Variants in FAT1 observed in about 807,000 individuals in gnomAD.
FAT1 encodes protocadherin Fat 1.
FAT1 carries 171 observed loss-of-function variants against 329.8 expected under a neutral mutation model. That is an observed-to-expected ratio of 0.52 (90% CI 0.46 to 0.59). The LOEUF is 0.59. FAT1 is among the 20% of genes least tolerant of loss of function. FAT1 has a pLI of 0.00. For missense variants in FAT1, 5,672 were observed against 5,774.4 expected, an observed-to-expected ratio of 0.98 and a Z score of 0.57; for synonymous variants, 2,233 against 2,228.6, an observed-to-expected ratio of 1.00 and a Z score of -0.06.
intron 26 of FAT1, among the ~76,000 whole-genome samples, chr4:186,594,789 C>CT (rs1370950346): frequency 6.7e-6 from 1 of 148,836 alleles, no homozygotes; most frequent in East Asian, 2.0e-4. Context: ...GATTTATGGA[C>CT]TATATGATGT....
chr4:186,700,307 C>T (rs1255396520), intron 2 of FAT1, among the ~76,000 whole-genome samples: 1 of 152,210 alleles, frequency 6.6e-6, no homozygotes, highest in African/African-American at 2.4e-5. Flanking sequence ...TTAAATCACA[C>T]TTTTACAACT....
At chr4:186,642,170 C>T (rs1741129672) in intron 3 of FAT1, among the ~76,000 whole-genome samples, 1 of 152,162 alleles carries the variant, frequency 6.6e-6, no homozygotes, top group Admixed American at 6.5e-5. Context: ...ATATTAGCCC[C>T]TTTCTTTCCA....
intron 6 of FAT1, among the ~76,000 whole-genome samples, chr4:186,635,772 A>G (rs1374020796): frequency 1.3e-5 from 2 of 152,256 alleles, no homozygotes; most frequent in East Asian, 1.9e-4. Context: ...TAACTCTTTG[A>G]CAAACTTTTA....
chr4:186,654,042 A>T (rs1421915318), intron 3 of FAT1, among the ~76,000 whole-genome samples: 1 of 152,190 alleles, frequency 6.6e-6, no homozygotes, highest in Non-Finnish European at 1.5e-5. Context: ...AGACAGAAAA[A>T]CTGGCTCCAC....
At chr4:186,685,979 T>C (rs1029415084) in intron 2 of FAT1, among the ~76,000 whole-genome samples, 2 of 152,202 alleles carry the variant, frequency 1.3e-5, no homozygotes, top group African/African-American at 4.8e-5. Flanking sequence ...TCTAAATTCT[T>C]GGACTCTGAC....
chr4:186,680,813 G>A (rs1442624325), intron 2 of FAT1, among the ~76,000 whole-genome samples: 5 of 152,168 alleles, frequency 3.3e-5, no homozygotes, highest in South Asian at 2.1e-4. Context: ...CTCAGTCTAC[G>A]TTCGAGAGTG....
At chr4:186,622,897 G>A (rs551390304) in intron 9 of FAT1, among the ~76,000 whole-genome samples, 2 of 152,296 alleles carry the variant, frequency 1.3e-5, no homozygotes, top group South Asian at 4.1e-4. Context: ...CCACTTAACT[G>A]CTTTCTCAGA....
rs527462580 is a variant in FAT1 at position 186,634,376 on chromosome 4, T to A, written c.4184-553A>T. On this transcript the variant is annotated intron_variant, in intron 6 of 26. Coordinates refer to ENST00000441802, the MANE Select transcript of FAT1 (RefSeq NM_005245.4). Reference sequence around the variant, plus strand: ...AATGAAACAAAAGTTTCTATCCTATTAATATTATCCAAATATTTTTGATAA... The same window carrying A: ...AATGAAACAAAAGTTTCTATCCTATAAATATTATCCAAATATTTTTGATAA... Among the ~76,000 whole-genome samples the A allele has an allele frequency of 2.0e-5, 3 of 152,334 alleles. No individual in the cohort carries two copies. The East Asian group carries it at 5.8e-4, about 29-fold the overall frequency.
intron 2 of FAT1, among the ~76,000 whole-genome samples, chr4:186,675,277 A>T (rs1403292024): frequency 6.6e-6 from 1 of 150,462 alleles, no homozygotes; most frequent in Admixed American, 6.7e-5. Flanking sequence ...TTAAGGAAAA[A>T]CCCTCTTTAG....
Position 186,614,280 on chromosome 4 carries a change from G to C in FAT1, c.9140C>G (p.Ala3047Gly). 1 of 1,600,314 alleles carries C rather than the reference G, an allele frequency of 6.2e-7. No individual in the cohort carries two copies. The highest frequency in any genetic ancestry group is 8.5e-7 in the Non-Finnish European group (1 of 1,175,176). The change falls in exon 12 of 27, where the codon GCT (alanine) becomes GGT (glycine). Residue 3047 changes from alanine (A) to glycine (G), a missense_variant. Ala to Gly is a moderately conservative substitution (Grantham distance 60, BLOSUM62 0). Transcript: ENST00000441802. The stretch of plus-strand genomic sequence containing the variant: ...GTTAGAGCGGATGTCTGCGTCTGTA[G>C]CAGAGATCTGCATGATCAATTTTCC... ...LPGKLIMQIS[A>G]TDADIRSNAE...
rs575269779 is a variant in FAT1, at chr4:186,619,396, G to A, written c.7190C>T (p.Ala2397Val). The change falls in exon 10 of 27, where the codon GCC becomes GTC. Residue 2397 changes from alanine to valine, a missense_variant. Transcript: ENST00000441802. ...ATGAGGGGCGTGCTCGCTAATTCTG[G>A]CTTCATAAATCTGTTGTTCAAAGAG... The part of the protein sequence containing the change: ...PPLFEQQIYE[A>V]RISEHAPHGH... 1.2e-6 allele frequency: 2 copies of A among 1,613,844 alleles called. No homozygotes were observed. The highest frequency in any genetic ancestry group is 1.7e-6 in the Non-Finnish European group (2 of 1,179,900).
At position 186,707,423 on chromosome 4, in the gene FAT1, T is replaced by A. The variant is rs755500248; in HGVS notation, c.2405A>T (p.Lys802Met). The change falls in exon 2 of 27, where the codon AAG becomes ATG. Residue 802 changes from lysine to methionine, a missense_variant. Lys to Met is a moderately conservative substitution (Grantham distance 95). Coordinates refer to ENST00000441802, the MANE Select transcript of FAT1 (RefSeq NM_005245.4). ...ITVYDLGIPQ[K>M]AAWRLLHVVV... Reference sequence around the variant, plus strand: ...GACATGTAGAAGACGCCACGCAGCCTTCTGGGGTATCCCAAGGTCATAGAC... The same window carrying A: ...GACATGTAGAAGACGCCACGCAGCCATCTGGGGTATCCCAAGGTCATAGAC... 2.7e-5 allele frequency: 44 copies of A among 1,614,056 alleles called. No individual in the cohort carries two copies. In the Middle Eastern group the frequency reaches 4.9e-4, roughly 18 times the overall value.
chr4:186,604,664 A>AATAC, intron 17 of FAT1, 90 bp from the exon 18 acceptor site: 1 of 798,660 alleles, frequency 1.3e-6, no homozygotes, highest in South Asian at 2.1e-5. Context: ...TATAATATAA[A>AATAC]ATACATACAA....
At chr4:186,715,306 C>T (rs1745161467) in intron 1 of FAT1, among the ~76,000 whole-genome samples, 1 of 151,974 alleles carries the variant, frequency 6.6e-6, no homozygotes, top group Non-Finnish European at 1.5e-5. Flanking sequence ...AATTACCTTC[C>T]ACATCCTACT....
At position 186,614,293 on chromosome 4, in the gene FAT1, T is replaced by C. The variant is rs192222661; in HGVS notation, c.9127A>G (p.Met3043Val). ...PEDVLPGKLI[M>V]QISATDADIR... ...TCTGCGTCTGTAGCAGAGATCTGCA[T>C]GATCAATTTTCCAGGAAGGACGTCT... The change falls in exon 12 of 27, where the codon ATG becomes GTG. Residue 3043 changes from methionine (M) to valine (V), a missense_variant. Met to Val is a conservative substitution (Grantham distance 21). Transcript: ENST00000441802. The C allele has an allele frequency of 3.7e-5, 59 of 1,589,604 alleles. No individual in the cohort carries two copies. In the African/African-American group the frequency reaches 7.7e-4, roughly 21 times the overall value.
At position 186,692,598 on chromosome 4, in the gene FAT1, T is replaced by G. The variant is rs183541255; in HGVS notation, c.3265+13965A>C. On this transcript the variant is annotated intron_variant, in intron 2 of 26. Transcript: ENST00000441802. Reference sequence around the variant, plus strand: ...AAGTGCTGGGAATCTTAGGTTATTTTTAAAACTTTTCCATTTAAGCTGAAA... The same window carrying G: ...AAGTGCTGGGAATCTTAGGTTATTTGTAAAACTTTTCCATTTAAGCTGAAA... Among the ~76,000 whole-genome samples the G allele has an allele frequency of 1.2e-3, 184 of 152,314 alleles. 1 individual carries two copies. The highest frequency in any genetic ancestry group is 2.2e-3 in the Non-Finnish European group (153 of 68,030).
chr4:186,638,841 G>A (rs1160200482), intron 4 of FAT1, among the ~76,000 whole-genome samples: 1 of 149,666 alleles, frequency 6.7e-6, no homozygotes, highest in Non-Finnish European at 1.5e-5. Context: ...AACAAAGGCA[G>A]GTGGCCTTTT....
In FAT1 at chr4:186,619,293, A is replaced by G. The variant is rs1458504005; in HGVS notation, c.7293T>C (p.Ser2431=). 1.2e-6 allele frequency: 2 copies of G among 1,613,938 alleles called. No individual in the cohort carries two copies. Among genetic ancestry groups the G allele is most frequent in the African/African-American group, 2.7e-5 (2 of 74,936 alleles). The change falls in exon 10 of 27, where the codon TCT becomes TCC. Residue 2431 remains serine (S), a synonymous_variant. Coordinates refer to ENST00000441802, the MANE Select transcript of FAT1 (RefSeq NM_005245.4). ...TGACAAAATGTTTATGATCATTGCC[A>G]GACAGAATGGAATACTGCAACTTGT... ...DIDKLQYSIL[S]GNDHKHFVID... is the part of the protein sequence containing the mutation.
chr4:186,606,065 C>A lies in FAT1; in HGVS notation c.10350+5G>T, dbSNP rs2126446885. ...CCCAGGACCACCTTGGCACTCGAAG[C>A]CCACCTGGATAATGACACTGTAGTT... On this transcript the variant is annotated splice_donor_5th_base_variant and intron_variant, in intron 17 of 26. Coordinates refer to ENST00000441802, the MANE Select transcript of FAT1 (RefSeq NM_005245.4). 1 of 1,612,046 alleles carries A rather than the reference C, an allele frequency of 6.2e-7. No homozygotes were observed. Among genetic ancestry groups the A allele is most frequent in the Non-Finnish European group, 8.5e-7 (1 of 1,179,356 alleles).
Sources: allele counts gnomAD v4.1 joint callset (sites outside exome capture counted in the v4.1 genomes callset), GRCh38; gene constraint gnomAD v4.1.1; transcripts MANE v1.5; gene names NCBI Gene and HGNC (gene_info 2026-07-23, HGNC 2026-07-21).